The following TRIP12 variants were observed in gnomAD, a reference collection of about 807,000 sequenced individuals.
TRIP12 encodes the protein E3 ubiquitin-protein ligase TRIP12.
In TRIP12, 25 loss-of-function variants were observed where a neutral mutation model predicts 244.2. That is an observed-to-expected ratio of 0.10 (90% CI 0.07 to 0.14). TRIP12 has a LOEUF of 0.14. TRIP12 is among the 10% of genes least tolerant of loss of function. The pLI, the probability that TRIP12 is intolerant of heterozygous loss-of-function variation, is 1.00. For missense variants in TRIP12, 1,677 were observed against 2,486.4 expected, an observed-to-expected ratio of 0.67 and a Z score of 6.92; for synonymous variants, 905 against 873.1, an observed-to-expected ratio of 1.04 and a Z score of -0.64.
At chr2:229,913,381 G>A (rs1395331889) in intron 1 of TRIP12, among the ~76,000 whole-genome samples, 1 of 152,120 alleles carries the variant, frequency 6.6e-6, no homozygotes, top group Non-Finnish European at 1.5e-5. Context: ...AAACATAACA[G>A]AACTTGGAAG....
At chr2:229,920,385 A>G (rs914591098) in intron 1 of TRIP12, among the ~76,000 whole-genome samples, 17 of 152,092 alleles carry the variant, frequency 1.1e-4, no homozygotes, top group Non-Finnish European at 2.2e-4. Context: ...AAGATCGAGG[A>G]CCGCGACTAG....
intron 9 of TRIP12, among the ~76,000 whole-genome samples, chr2:229,815,668 C>G (rs981685772): frequency 6.6e-6 from 1 of 151,712 alleles, no homozygotes; most frequent in Non-Finnish European, 1.5e-5. Flanking sequence ...ATACTAGATA[C>G]ATAAATAAAC....
intron 1 of TRIP12, among the ~76,000 whole-genome samples, chr2:229,909,657 C>T (rs1026028742): frequency 6.6e-6 from 1 of 151,276 alleles, no homozygotes; most frequent in Non-Finnish European, 1.5e-5. Context: ...AGTTCAGGAC[C>T]AGCCTGGGCA....
intron 4 of TRIP12, among the ~76,000 whole-genome samples, chr2:229,842,649 C>T (rs2056714000): frequency 1.3e-5 from 2 of 152,218 alleles, no homozygotes; most frequent in Admixed American, 1.3e-4. Flanking sequence ...ATTAGTATTA[C>T]ACAGTACTTC....
intron 37 of TRIP12, among the ~76,000 whole-genome samples, chr2:229,775,424 T>A (rs1167270068): frequency 6.6e-6 from 1 of 151,240 alleles, no homozygotes; most frequent in Admixed American, 6.6e-5. Flanking sequence ...CATTTTCATG[T>A]TCCCCCCACT....
rs1181986462 is a variant in TRIP12 at position 229,766,277 on chromosome 2, A to G, written c.*1277T>C. On this transcript the variant is annotated 3_prime_UTR_variant, in exon 42 of 42. Transcript: ENST00000675903. ...CTATTATAAATTGTTTGAATAGCAA[A>G]ATCAGCCATGACCCGAATCATGGAG... The G allele has an allele frequency of 6.6e-6, 1 of 152,190 alleles. No individual in the cohort carries two copies. The highest frequency in any genetic ancestry group is 1.9e-4 in the East Asian group (1 of 5,188). The allele number at this position is 152,190 out of a possible 1,614,324, so 9.4% of individuals were successfully genotyped here.
rs1308916803 is a variant in TRIP12, at chr2:229,813,753, T to C, written c.1986+117A>G. ...GAGCTGAGATCACACCACTGCACTC[T>C]AGCCTGGGTAACAGAGCGAGACTCC... is the stretch of plus-strand genomic sequence containing the variant. On this transcript the variant is annotated intron_variant, in intron 13 of 41. Transcript: ENST00000675903. 8.2e-6 allele frequency: 6 copies of C among 734,728 alleles called. No homozygotes were observed. The Middle Eastern group carries it at 1.6e-3, about 192-fold the overall frequency. The allele number at this position is 734,728 out of a possible 1,614,324, so 45.5% of individuals were successfully genotyped here. A position where few individuals can be genotyped will look rare whatever the true frequency, so the allele number is the denominator to read the frequency against.
At position 229,861,542 on chromosome 2, in the gene TRIP12, A is replaced by C. The variant is rs1323674327; in HGVS notation, c.99-1011T>G. ...AATTTACTTGTTAAAAAAAAGTTTA[A>C]GGCTTTTATTCCAAACACCATCTCA... On this transcript the variant is annotated intron_variant, in intron 2 of 41. Transcript: ENST00000675903. Among the ~76,000 whole-genome samples, 4 of 152,204 alleles carry C rather than the reference A, an allele frequency of 2.6e-5. No individual in the cohort carries two copies. The East Asian group carries it at 7.7e-4, about 29-fold the overall frequency.
chr2:229,808,184 T>C, intron 16 of TRIP12, 68 bp downstream of exon 16: 1 of 1,149,998 alleles, frequency 8.7e-7, no homozygotes, highest in Non-Finnish European at 1.3e-6. Context: ...GCCAGGCTGG[T>C]CTCGAACTCC....
chr2:229,786,881 C>A (rs998420810), intron 33 of TRIP12, among the ~76,000 whole-genome samples: 1 of 151,832 alleles, frequency 6.6e-6, no homozygotes, highest in Non-Finnish European at 1.5e-5. Flanking sequence ...AAATCCCTAG[C>A]GGAAAAAAAC....
chr2:229,921,306 G>A (rs2076504320), intron 1 of TRIP12: 1 of 152,692 alleles, frequency 6.5e-6, no homozygotes, highest in Non-Finnish European at 1.5e-5. Flanking sequence ...TCCCTTCTCT[G>A]ACCCTCGCTT....
chr2:229,917,574 T>C (rs1344498748), intron 1 of TRIP12, among the ~76,000 whole-genome samples: 1 of 152,064 alleles, frequency 6.6e-6, no homozygotes, highest in African/African-American at 2.4e-5. Flanking sequence ...TGGCACAGAA[T>C]AATCCACTGG....
At chr2:229,916,783 A>T (rs1417043253) in intron 1 of TRIP12, among the ~76,000 whole-genome samples, 1 of 152,138 alleles carries the variant, frequency 6.6e-6, no homozygotes, top group Non-Finnish European at 1.5e-5. Context: ...CCAATAACCT[A>T]AAACTATCAG....
chr2:229,791,278 C>G (rs780060060), intron 29 of TRIP12, 27 bp from the exon 30 acceptor site: 11 of 1,611,180 alleles, frequency 6.8e-6, no homozygotes, highest in East Asian at 2.2e-5. Flanking sequence ...GTATATAAAC[C>G]AAATGTAGAT....
intron 1 of TRIP12, among the ~76,000 whole-genome samples, chr2:229,918,988 C>G (rs1451165417): frequency 6.6e-6 from 1 of 152,188 alleles, no homozygotes; most frequent in Non-Finnish European, 1.5e-5. Flanking sequence ...GTGACTAGCT[C>G]AAGGTCACAA....
At chr2:229,879,143 T>C (rs1466583271) in intron 2 of TRIP12, among the ~76,000 whole-genome samples, 4 of 152,008 alleles carry the variant, frequency 2.6e-5, no homozygotes, top group Non-Finnish European at 5.9e-5. Flanking sequence ...TCCCAGCTAC[T>C]TGGGGGACTG....
chr2:229,773,359 C>A (rs1223635607), intron 38 of TRIP12, among the ~76,000 whole-genome samples: 1 of 151,962 alleles, frequency 6.6e-6, no homozygotes, highest in Non-Finnish European at 1.5e-5. Flanking sequence ...CGGGCATGAG[C>A]CACCGTGCCC....
intron 34 of TRIP12, among the ~76,000 whole-genome samples, chr2:229,782,154 T>C (rs955649041): frequency 6.6e-6 from 1 of 152,068 alleles, no homozygotes; most frequent in Non-Finnish European, 1.5e-5. Flanking sequence ...TGCAGTCTCA[T>C]AAGTAACAAA....
rs1301828166 is a variant in TRIP12 at position 229,765,137 on chromosome 2, G to A, written c.*2417C>T. Reference sequence around the variant, plus strand: ...CTCATATATAAAGCAGATCGAATCAGTAACTGTCTAAATGACAACACAAAT... The same window carrying A: ...CTCATATATAAAGCAGATCGAATCAATAACTGTCTAAATGACAACACAAAT... On this transcript the variant is annotated 3_prime_UTR_variant, in exon 42 of 42. Transcript: ENST00000675903. The A allele has an allele frequency of 3.3e-5, 5 of 152,138 alleles. No homozygotes were observed. The highest frequency in any genetic ancestry group is 7.3e-5 in the Non-Finnish European group (5 of 68,034). The allele number at this position is 152,138 out of a possible 1,614,324, so 9.4% of individuals were successfully genotyped here. A position where few individuals can be genotyped will look rare whatever the true frequency, so the allele number is the denominator to read the frequency against.
Sources: allele counts gnomAD v4.1 joint callset (sites outside exome capture counted in the v4.1 genomes callset), GRCh38; gene constraint gnomAD v4.1.1; transcripts MANE v1.5; gene names NCBI Gene and HGNC (gene_info 2026-07-23, HGNC 2026-07-21).